Variants in ADTRP observed in about 807,000 individuals in gnomAD.
ADTRP encodes androgen-dependent TFPI-regulating protein.
A neutral mutation model predicts 27.0 loss-of-function variants in ADTRP; 20 were observed. The ratio of observed to expected loss-of-function variants is 0.74; its 90% CI spans 0.52 to 1.08. The LOEUF (loss-of-function observed/expected upper bound fraction) is 1.08, where lower values mean the gene tolerates loss of function less well. ADTRP is among the 50% of genes least tolerant of loss of function. ADTRP has a pLI of 0.00. For synonymous variants in ADTRP, 101 were observed against 105.2 expected, an observed-to-expected ratio of 0.96 and a Z score of 0.25; for missense variants, 251 against 275.0, an observed-to-expected ratio of 0.91 and a Z score of 0.62.
At chr6:11,716,719 C>CTTTTTCTTTTTTTTTTTTTT (rs200468981) in intron 5 of ADTRP, among the ~76,000 whole-genome samples, 2 of 125,412 alleles carry the variant, frequency 1.6e-5, no homozygotes, top group Non-Finnish European at 3.3e-5. Flanking sequence ...TTTTCTTTTT[C>CTTTTTCTTTTTTTTTTTTTT]TTTTTTTTTT....
At chr6:11,728,911 T>C (rs993262663) in intron 4 of ADTRP, among the ~76,000 whole-genome samples, 1 of 152,198 alleles carries the variant, frequency 6.6e-6, no homozygotes, top group African/African-American at 2.4e-5. Flanking sequence ...ACTAATACTT[T>C]GAAGAGGCCA....
intron 4 of ADTRP, among the ~76,000 whole-genome samples, chr6:11,732,901 A>G (rs1380412127): frequency 6.6e-6 from 1 of 152,230 alleles, no homozygotes; most frequent in Non-Finnish European, 1.5e-5. Flanking sequence ...ATTTAGCTGA[A>G]TGGTTTTGCA....
Position 11,722,832 on chromosome 6 carries a change from A to T in ADTRP, c.658+517T>A, listed in dbSNP as rs1032162705. Among the ~76,000 whole-genome samples the T allele has an allele frequency of 5.3e-5, 8 of 152,286 alleles. No homozygotes were observed. In the East Asian group the frequency reaches 7.7e-4, roughly 15 times the overall value. ...TGAGGATTTCAATCTCAAGTCTAGG[A>T]TGTGATTTCATCTGGTAAATGTCTT... is the stretch of plus-strand genomic sequence containing the variant. On this transcript the variant is annotated intron_variant, in intron 5 of 5. Coordinates refer to ENST00000414691, the MANE Select transcript of ADTRP (RefSeq NM_032744.4).
At chr6:11,758,637 G>A (rs1198616667) in intron 3 of ADTRP, among the ~76,000 whole-genome samples, 1 of 150,632 alleles carries the variant, frequency 6.6e-6, no homozygotes, top group Non-Finnish European at 1.5e-5. Context: ...GTTAATGGGT[G>A]CAGCACACCA....
In ADTRP at chr6:11,766,331, A is replaced by T; in HGVS notation, c.333T>A (p.Asp111Glu). The T allele has an allele frequency of 6.2e-7, 1 of 1,613,048 alleles. No homozygotes were observed. Among genetic ancestry groups the T allele is most frequent in the Non-Finnish European group, 8.5e-7 (1 of 1,179,452 alleles). ...TATCTAGGACCTTGGGGTAAATGAG[A>T]TCTCGATTGTAGAGAAAGAGGATCC... ...AFWILFLYNR[D>E]LIYPKVLDTV... The change falls in exon 3 of 6, where the codon GAT (aspartate) becomes GAA (glutamate). Residue 111 changes from aspartate (D) to glutamate (E), a missense_variant. By Grantham distance (45) the Asp-to-Glu change is conservative (BLOSUM62 2). Coordinates refer to ENST00000414691, the MANE Select transcript of ADTRP (RefSeq NM_032744.4).
intron 3 of ADTRP, among the ~76,000 whole-genome samples, chr6:11,748,193 C>T (rs1270124097): frequency 6.6e-6 from 1 of 152,172 alleles, no homozygotes; most frequent in Non-Finnish European, 1.5e-5. Context: ...TATTTCAAGG[C>T]ACTGGTAAGC....
intron 3 of ADTRP, among the ~76,000 whole-genome samples, chr6:11,765,319 G>GTTTTTTTTTTTTT (rs770169717): frequency 8.9e-6 from 1 of 112,524 alleles, no homozygotes; most frequent in African/African-American, 3.3e-5. Flanking sequence ...CTTTCCCCTG[G>GTTTTTTTTTTTTT]TTTGTTTTTT....
At chr6:11,771,636 G>A (rs909756973) in intron 1 of ADTRP, among the ~76,000 whole-genome samples, 2 of 152,210 alleles carry the variant, frequency 1.3e-5, no homozygotes, top group Non-Finnish European at 2.9e-5. Context: ...AATGTTAGCT[G>A]TTATGGGCTA....
At chr6:11,735,862 CA>C in intron 3 of ADTRP, 179 bp from the exon 4 acceptor site, 1 of 556,126 alleles carries the variant, frequency 1.8e-6, no homozygotes, top group South Asian at 2.2e-5. Flanking sequence ...CACATTAGTC[CA>C]AACTCCTCTG....
Position 11,766,267 on chromosome 6 carries a change from CA to C in ADTRP, c.390+6del, listed in dbSNP as rs755544115. 6 of 1,600,958 alleles carry C rather than the reference CA, an allele frequency of 3.7e-6. No homozygotes were observed. Among genetic ancestry groups the C allele is most frequent in the Non-Finnish European group, 5.1e-6 (6 of 1,171,332 alleles). ...TTCTGAGTTCACTGAATTTTCCCCT[CA>C]CTCACCATTGCATGATTCAGCCACA... On this transcript the variant is annotated splice_donor_region_variant and intron_variant, in intron 3 of 5. Transcript: ENST00000414691.
At chr6:11,736,690 GCTGT>G (rs1338146852) in intron 3 of ADTRP, 2 of 152,372 alleles carry the variant, frequency 1.3e-5, no homozygotes, top group African/African-American at 4.8e-5. Context: ...CTTCCATGAT[GCTGT>G]CTCTGAATTT....
At chr6:11,731,098 T>A (rs1762365406) in intron 4 of ADTRP, among the ~76,000 whole-genome samples, 1 of 152,222 alleles carries the variant, frequency 6.6e-6, no homozygotes, top group South Asian at 2.1e-4. Context: ...GGTTGTGCAG[T>A]GCACGACAGG....
At position 11,754,664 on chromosome 6, in the gene ADTRP, G is replaced by A. The variant is rs1763158466; in HGVS notation, c.390+11610C>T. Among the ~76,000 whole-genome samples, 3 of 152,202 alleles carry A rather than the reference G, an allele frequency of 2.0e-5. No homozygotes were observed. The South Asian group carries it at 6.2e-4, about 32-fold the overall frequency. The stretch of plus-strand genomic sequence containing the variant: ...AATTCAAATTTCCAATTAGGCATAA[G>A]TGGCTTCTTAGTAGGCAGAGAAGAT... On this transcript the variant is annotated intron_variant, in intron 3 of 5. Coordinates refer to ENST00000414691, the MANE Select transcript of ADTRP (RefSeq NM_032744.4).
intron 3 of ADTRP, among the ~76,000 whole-genome samples, chr6:11,759,506 T>A (rs538183033): frequency 2.4e-4 from 36 of 151,580 alleles, no homozygotes; most frequent in East Asian, 3.9e-4. Flanking sequence ...CTTTTTTTTT[T>A]AAAAAAGAAA....
chr6:11,726,490 C>T (rs1028530710), intron 4 of ADTRP, among the ~76,000 whole-genome samples: 1 of 152,104 alleles, frequency 6.6e-6, no homozygotes, highest in Non-Finnish European at 1.5e-5. Context: ...CCTTTTCACA[C>T]GTGTCCATTT....
intron 3 of ADTRP, among the ~76,000 whole-genome samples, chr6:11,751,603 T>C (rs374805358): frequency 5.5e-4 from 83 of 152,256 alleles, no homozygotes; most frequent in Non-Finnish European, 9.7e-4. Context: ...GCATTTTAGC[T>C]CATTTTGGGG....
In ADTRP at chr6:11,758,512, T is replaced by A. The variant is rs531133981; in HGVS notation, c.390+7762A>T. ...GCATGTTCTCATTCATAGGTGGGAATTGAACAATGAGAACACATGGACACA... is the reference window on the plus strand; with the variant it reads ...GCATGTTCTCATTCATAGGTGGGAAATGAACAATGAGAACACATGGACACA... On this transcript the variant is annotated intron_variant, in intron 3 of 5. Coordinates refer to ENST00000414691, the MANE Select transcript of ADTRP (RefSeq NM_032744.4). 4.6e-5 allele frequency among the ~76,000 whole-genome samples: 6 copies of A among 129,924 alleles called. No individual in the cohort carries two copies. The Admixed American group carries it at 6.0e-4, about 13-fold the overall frequency. 85.2% of individuals were successfully genotyped at this position (129,924 alleles called of 152,430 possible).
At chr6:11,744,903 T>C (rs1292796315) in intron 3 of ADTRP, among the ~76,000 whole-genome samples, 2 of 152,032 alleles carry the variant, frequency 1.3e-5, no homozygotes, top group African/African-American at 2.4e-5. Context: ...GGGCTCAGAG[T>C]GTGTAAGCAG....
intron 5 of ADTRP, among the ~76,000 whole-genome samples, chr6:11,716,716 TTTC>T (rs759017721): frequency 1.9e-3 from 113 of 58,576 alleles, no homozygotes; most frequent in South Asian, 0.011. Flanking sequence ...TCTTTTTCTT[TTTC>T]TTTTTTTTTT....
Sources: gnomAD v4.1 joint callset for allele counts (sites outside exome capture counted in the v4.1 genomes callset) on GRCh38, gnomAD v4.1.1 for gene constraint, MANE v1.5 for transcripts, NCBI Gene and HGNC (gene_info 2026-07-23, HGNC 2026-07-21) for gene names.